PRDM2: variants seen among roughly 807,000 people sequenced by gnomAD.
PRDM2 encodes the protein PR domain zinc finger protein 2.
A neutral mutation model predicts 130.0 loss-of-function variants in PRDM2; 30 were observed. That is an observed-to-expected ratio of 0.23 (90% CI 0.17 to 0.31). PRDM2 has a LOEUF of 0.31. PRDM2 is among the 10% of genes least tolerant of loss of function. The pLI is 1.00. For synonymous variants in PRDM2, 871 were observed against 782.4 expected (o/e 1.11, Z -1.89); for missense variants, 2,011 against 2,108.4 (o/e 0.95, Z 0.90).
At chr1:13,786,271 T>TA (rs3841673) in intron 8 of PRDM2, among the ~76,000 whole-genome samples, 14 of 150,584 alleles carry the variant, frequency 9.3e-5, no homozygotes, top group Middle Eastern at 3.4e-3. Context: ...GGAATTGATT[T>TA]AAAAAAAAAA....
At position 13,824,742 on chromosome 1, in the gene PRDM2, T is replaced by C. The variant is rs890862081; in HGVS notation, c.*1607T>C. ...TTTGTCCCGTAAATGTTAACACTCA[T>C]GAAGCATACCCCGGCCTCTCAGTTC... On this transcript the variant is annotated 3_prime_UTR_variant, in exon 10 of 10. Transcript: ENST00000311066. 1 of 152,246 alleles carries C rather than the reference T, an allele frequency of 6.6e-6. No individual in the cohort carries two copies. Among genetic ancestry groups the C allele is most frequent in the African/African-American group, 2.4e-5 (1 of 41,456 alleles). 9.4% of individuals were successfully genotyped at this position (152,246 alleles called of 1,614,324 possible).
At chr1:13,801,006 C>G (rs1644998619) in intron 8 of PRDM2, among the ~76,000 whole-genome samples, 1 of 152,212 alleles carries the variant, frequency 6.6e-6, no homozygotes, top group Non-Finnish European at 1.5e-5. Flanking sequence ...GACTCTAAAC[C>G]TCATGCTCTC....
At chr1:13,791,223 G>T (rs1275116475) in intron 8 of PRDM2, among the ~76,000 whole-genome samples, 3 of 151,934 alleles carry the variant, frequency 2.0e-5, no homozygotes, top group Admixed American at 2.0e-4. Flanking sequence ...ACAGTCATTT[G>T]TGGGTAAGGA....
At chr1:13,710,651 AT>A (rs1417741590) in intron 1 of PRDM2, among the ~76,000 whole-genome samples, 1 of 152,238 alleles carries the variant, frequency 6.6e-6, no homozygotes, top group Non-Finnish European at 1.5e-5. Context: ...TGCTGTACAA[AT>A]ATTCAAGAAG....
In PRDM2 at chr1:13,771,842, G is replaced by A. The variant is rs1175997553; in HGVS notation, c.512-1236G>A. The A allele has an allele frequency of 6.6e-6, 1 of 152,142 alleles. No individual in the cohort carries two copies. The highest frequency in any genetic ancestry group is 2.4e-5 in the African/African-American group (1 of 41,424). 9.4% of individuals were successfully genotyped at this position (152,142 alleles called of 1,614,324 possible). Reference sequence around the variant, plus strand: ...TCTCAAATTTTTGTCAAAATCTGGTGGTGTTTTTTAGGATTTGTTTTTGCT... The same window carrying A: ...TCTCAAATTTTTGTCAAAATCTGGTAGTGTTTTTTAGGATTTGTTTTTGCT... On this transcript the variant is annotated intron_variant, in intron 6 of 9. Coordinates refer to ENST00000311066, the MANE Select transcript of PRDM2 (RefSeq NM_001393986.1). This position sits in a 1 kb window ranked among gnomAD's most constrained non-coding sequence, Gnocchi z 4.1.
chr1:13,722,266 A>G (rs1356127642), intron 2 of PRDM2, among the ~76,000 whole-genome samples: 1 of 152,098 alleles, frequency 6.6e-6, no homozygotes, highest in Non-Finnish European at 1.5e-5. Context: ...GTTGTTGGGA[A>G]TGTTTTCGTG....
chr1:13,716,134 G>T (rs1642527494), intron 2 of PRDM2, among the ~76,000 whole-genome samples: 1 of 151,948 alleles, frequency 6.6e-6, no homozygotes, highest in African/African-American at 2.4e-5. Context: ...AAAATGATGA[G>T]TTCATGTCCT....
intron 8 of PRDM2, chr1:13,786,568 G>A: frequency 5.6e-6 from 9 of 1,605,268 alleles, no homozygotes; most frequent in Non-Finnish European, 7.6e-6. Flanking sequence ...TGACTAAAAA[G>A]TATTGCATGC....
rs767115831 is a variant in PRDM2, at chr1:13,779,969, T to C, written c.2174T>C (p.Met725Thr). 6.2e-7 allele frequency: 1 copy of C among 1,614,250 alleles called. No homozygotes were observed. Among genetic ancestry groups the C allele is most frequent in the Non-Finnish European group, 8.5e-7 (1 of 1,180,044 alleles). Residue 725 changes from methionine to threonine, a missense_variant, in exon 8 of 10, where the codon ATG (methionine) becomes ACG (threonine). Coordinates refer to ENST00000311066, the MANE Select transcript of PRDM2 (RefSeq NM_001393986.1). The surrounding 1 kb of genome is among the most constrained non-coding windows in gnomAD (Gnocchi z 4.9). ...GPVCVSAPAS[M>T]LPVTSSRFKR... The stretch of plus-strand genomic sequence containing the variant: ...GTTTGTGTGTCTGCTCCTGCATCAA[T>C]GTTGCCTGTGACCTCAAGTAGGTTT...
chr1:13,767,066 A>G (rs934365658), intron 6 of PRDM2, among the ~76,000 whole-genome samples: 1 of 152,208 alleles, frequency 6.6e-6, no homozygotes, highest in Non-Finnish European at 1.5e-5. Context: ...CATCAGTGGT[A>G]TAATGCTATA....
intron 9 of PRDM2, among the ~76,000 whole-genome samples, chr1:13,820,941 G>A (rs1039839365): frequency 9.2e-5 from 14 of 152,234 alleles, no homozygotes; most frequent in African/African-American, 3.1e-4. Context: ...ATGGGCACGG[G>A]CACACAGGCC....
Position 13,741,934 on chromosome 1 carries a change from A to C in PRDM2, c.232-71A>C. Reference sequence around the variant, plus strand: ...ATAATGAAAAAGAATTATCCTTAAAAGTTAAAAATGGAGGCATTTTAAAGA... The same window carrying C: ...ATAATGAAAAAGAATTATCCTTAAACGTTAAAAATGGAGGCATTTTAAAGA... On this transcript the variant is annotated intron_variant, in intron 4 of 9. Transcript: ENST00000311066. 3 of 1,264,678 alleles carry C rather than the reference A, an allele frequency of 2.4e-6. No individual in the cohort carries two copies. The East Asian group carries it at 7.1e-5, about 30-fold the overall frequency. 78.3% of individuals were successfully genotyped at this position (1,264,678 alleles called of 1,614,324 possible).
At position 13,779,341 on chromosome 1, in the gene PRDM2, C is replaced by T. The variant is rs765509789; in HGVS notation, c.1546C>T (p.Arg516Trp). Residue 516 changes from arginine (R) to tryptophan (W), a missense_variant, in exon 8 of 10, where the codon CGG (arginine) becomes TGG (tryptophan). This residue lies in a region of PRDM2 where 1,288 missense variants were observed against 1,237.7 expected (regional missense o/e 1.04). Transcript: ENST00000311066. The surrounding 1 kb of genome is among the most constrained non-coding windows in gnomAD (Gnocchi z 4.9). ...HERHLIPKGV[R>W]RKGGLEEPQP... ...ACGTCATCTGATTCCCAAAGGTGTACGGCGAAAAGGAGGCCTTGAAGAGCC... is the reference window on the plus strand; with the variant it reads ...ACGTCATCTGATTCCCAAAGGTGTATGGCGAAAAGGAGGCCTTGAAGAGCC... 26 of 1,614,038 alleles carry T rather than the reference C, an allele frequency of 1.6e-5. No homozygotes were observed. The highest frequency in any genetic ancestry group is 2.2e-5 in the South Asian group (2 of 91,064).
At chr1:13,723,516 G>T (rs1642801602) in intron 2 of PRDM2, among the ~76,000 whole-genome samples, 1 of 152,214 alleles carries the variant, frequency 6.6e-6, no homozygotes, top group Non-Finnish European at 1.5e-5. Context: ...GATTTTGAAG[G>T]ATCAGCAGCA....
At chr1:13,763,539 C>T (rs1017504972) in intron 6 of PRDM2, among the ~76,000 whole-genome samples, 2 of 152,040 alleles carry the variant, frequency 1.3e-5, no homozygotes, top group African/African-American at 4.8e-5. Context: ...AGGCAGTAGA[C>T]AAGAGAGAAA....
At chr1:13,768,452 TCA>T (rs1211134241) in intron 6 of PRDM2, among the ~76,000 whole-genome samples, 2 of 151,334 alleles carry the variant, frequency 1.3e-5, no homozygotes, top group African/African-American at 2.4e-5. Flanking sequence ...CGATCTCGGC[TCA>T]CTGCAGTCTC....
At chr1:13,786,716 G>A (rs916646128) in intron 8 of PRDM2, 1 of 1,436,630 alleles carries the variant, frequency 7.0e-7, no homozygotes, top group East Asian at 2.5e-5. Flanking sequence ...TTCGGTGGGG[G>A]CCCAACGCGC....
intron 6 of PRDM2, among the ~76,000 whole-genome samples, chr1:13,760,584 G>C (rs1187841516): frequency 6.6e-6 from 1 of 152,160 alleles, no homozygotes; most frequent in Non-Finnish European, 1.5e-5. Context: ...CATAGCTTTG[G>C]AATTAAGAGA....
At chr1:13,775,957 C>T (rs907439064) in intron 7 of PRDM2, among the ~76,000 whole-genome samples, 6 of 152,182 alleles carry the variant, frequency 3.9e-5, no homozygotes, top group Non-Finnish European at 5.9e-5. Context: ...CAGATAAGTC[C>T]ACATTAATTT....
Sources: gnomAD v4.1 joint callset for allele counts (sites outside exome capture counted in the v4.1 genomes callset) on GRCh38, gnomAD v4.1.1 for gene constraint, gnomAD v4.1.1 regional missense constraint, Gnocchi (gnomAD v3.1) non-coding constraint, MANE v1.5 for transcripts, NCBI Gene and HGNC (gene_info 2026-07-23, HGNC 2026-07-21) for gene names.